Variants in CUBN observed in about 807,000 individuals in gnomAD.
The protein encoded by CUBN is cubilin.
Under a neutral mutation model 405.3 loss-of-function variants are expected in CUBN, and 282 were observed. The observed-to-expected ratio is 0.70, with a 90% CI of 0.63 to 0.77. The LOEUF (loss-of-function observed/expected upper bound fraction) is 0.77. Among genes scored for constraint, CUBN ranks in the 30% least tolerant of loss-of-function variants. CUBN has a pLI of 0.00. For missense variants in CUBN, 4,514 were observed against 4,475.2 expected (o/e 1.01, Z -0.25); for synonymous variants, 1,684 against 1,617.0 (o/e 1.04, Z -0.99).
chr10:16,877,256 TTACTC>T (rs1289500814), intron 56 of CUBN, among the ~76,000 whole-genome samples, 159 bp from the exon 57 acceptor site: 1 of 152,218 alleles, frequency 6.6e-6, no homozygotes, highest in Non-Finnish European at 1.5e-5. Flanking sequence ...GAAACAATGT[TTACTC>T]TAACTACAAA....
At position 16,971,805 on chromosome 10, in the gene CUBN, A is replaced by AT. The variant is rs147113234; in HGVS notation, c.4695+10678dup. ...CTCTTCACACAACTTATATTTCTCC[A>AT]TTTTTTTTAAAAAACCAACTCTCCA... On this transcript the variant is annotated intron_variant, in intron 31 of 66. Coordinates refer to ENST00000377833, the MANE Select transcript of CUBN (RefSeq NM_001081.4). Among the ~76,000 whole-genome samples, 32 of 149,994 alleles carry AT rather than the reference A, an allele frequency of 2.1e-4. No individual in the cohort carries two copies. In the South Asian group the frequency reaches 2.7e-3, roughly 13 times the overall value.
intron 43 of CUBN, among the ~76,000 whole-genome samples, chr10:16,923,523 A>C (rs1345382222): frequency 1.3e-5 from 2 of 152,212 alleles, no homozygotes; most frequent in African/African-American, 4.8e-5. Flanking sequence ...TGGTAAGTAG[A>C]GAGAAATAAC....
chr10:16,947,411 C>T, intron 35 of CUBN, 44 bp from the exon 36 acceptor site: 1 of 1,605,328 alleles, frequency 6.2e-7, no homozygotes, highest in Non-Finnish European at 8.5e-7. Flanking sequence ...GCAAAGACTG[C>T]ATCAGACACT....
chr10:16,992,419 C>T (rs964842838), intron 28 of CUBN, among the ~76,000 whole-genome samples: 24 of 152,144 alleles, frequency 1.6e-4, no homozygotes, highest in African/African-American at 5.8e-4. Flanking sequence ...AGTAACAGTG[C>T]CTCCTCACTC....
intron 28 of CUBN, among the ~76,000 whole-genome samples, chr10:17,004,672 C>CTTT (rs1447690708): frequency 2.1e-5 from 2 of 93,442 alleles, no homozygotes; most frequent in Non-Finnish European, 4.5e-5. Context: ...TTCTAAATAG[C>CTTT]TCTTTTTTTT....
At chr10:16,901,147 T>A (rs1471340546) in intron 52 of CUBN, among the ~76,000 whole-genome samples, 191 bp downstream of exon 52, 1 of 152,172 alleles carries the variant, frequency 6.6e-6, no homozygotes, top group African/African-American at 2.4e-5. Context: ...AAAAGAGATT[T>A]CACTCTTCAT....
chr10:16,886,435 T>C (rs1388907289), intron 56 of CUBN, among the ~76,000 whole-genome samples: 3 of 152,110 alleles, frequency 2.0e-5, no homozygotes, highest in Admixed American at 6.5e-5. Flanking sequence ...GCTTGACAAA[T>C]CTGCAGATAA....
rs1244043617 is a variant in CUBN at position 16,947,327 on chromosome 10, G to A, written c.5250C>T (p.Asn1750=). The A allele has an allele frequency of 6.2e-7, 1 of 1,613,974 alleles. No individual in the cohort carries two copies. The highest frequency in any genetic ancestry group is 2.2e-5 in the East Asian group (1 of 44,888). Residue 1750 remains asparagine, a synonymous_variant, in exon 36 of 67, where the codon AAC becomes AAT. Transcript: ENST00000377833. ...GATAAATGTCTGGGTAGCCAGGGCT[G>A]TTGAAGATGCCTTCAGCCATGTAGA... ...GTFYMAEGIF[N]SPGYPDIYPP...
At chr10:17,060,119 CTT>C (rs869058096) in intron 22 of CUBN, among the ~76,000 whole-genome samples, 2 of 144,918 alleles carry the variant, frequency 1.4e-5, no homozygotes, top group East Asian at 4.1e-4. Context: ...CCTGGTTTTT[CTT>C]TTCTTTTTCT....
At chr10:16,961,024 G>A (rs879458874) in intron 31 of CUBN, among the ~76,000 whole-genome samples, 1 of 152,196 alleles carries the variant, frequency 6.6e-6, no homozygotes, top group Non-Finnish European at 1.5e-5. Context: ...CTCAGCTCTA[G>A]CCAGAAGTGA....
At chr10:16,940,285 A>C in intron 36 of CUBN, 48 bp from the exon 37 acceptor site, 3 of 1,518,930 alleles carry the variant, frequency 2.0e-6, no homozygotes, top group Non-Finnish European at 2.7e-6. Flanking sequence ...GAGAGAATAG[A>C]CTTTGGGATT....
chr10:17,076,229 G>T (rs566476277), intron 17 of CUBN, among the ~76,000 whole-genome samples: 1 of 152,138 alleles, frequency 6.6e-6, no homozygotes, highest in Admixed American at 6.5e-5. Context: ...GAACTCATAG[G>T]GCTCAAGGGC....
intron 22 of CUBN, among the ~76,000 whole-genome samples, chr10:17,059,841 G>T (rs1390280393): frequency 6.6e-6 from 1 of 152,148 alleles, no homozygotes; most frequent in Non-Finnish European, 1.5e-5. Flanking sequence ...TTGTAAAATT[G>T]TCCTTGGATA....
At position 17,019,992 on chromosome 10, in the gene CUBN, G is replaced by C. The variant is rs1224106834; in HGVS notation, c.4018-9C>G. On this transcript the variant is annotated splice_polypyrimidine_tract_variant and intron_variant, in intron 27 of 66. Transcript: ENST00000377833. ...CGTGGTCCATCATAGAGCTGAAATTGAAGAGAAACTTTCCCATATAAAAAC... is the reference window on the plus strand; with the variant it reads ...CGTGGTCCATCATAGAGCTGAAATTCAAGAGAAACTTTCCCATATAAAAAC... The C allele has an allele frequency of 6.2e-7, 1 of 1,614,002 alleles. No individual in the cohort carries two copies. Among genetic ancestry groups the C allele is most frequent in the Non-Finnish European group, 8.5e-7 (1 of 1,179,896 alleles).
intron 59 of CUBN, among the ~76,000 whole-genome samples, chr10:16,858,076 GA>G (rs1006251898): frequency 1.3e-5 from 2 of 151,904 alleles, no homozygotes; most frequent in Non-Finnish European, 2.9e-5. Flanking sequence ...ACAAAAAAAT[GA>G]AATATTTAGG....
chr10:16,972,757 C>G (rs555989295), intron 31 of CUBN, among the ~76,000 whole-genome samples: 1 of 151,954 alleles, frequency 6.6e-6, no homozygotes, highest in African/African-American at 2.4e-5. Flanking sequence ...ATAGGCTTCC[C>G]CCCACCATCT....
chr10:17,000,288 C>G (rs1833842309), intron 28 of CUBN, among the ~76,000 whole-genome samples: 1 of 145,196 alleles, frequency 6.9e-6, no homozygotes, highest in African/African-American at 2.6e-5. Flanking sequence ...TGGTTTCTCC[C>G]AGATCGGTGG....
Position 16,990,329 on chromosome 10 carries a change from C to G in CUBN, c.4350+5G>C, listed in dbSNP as rs200324164. On this transcript the variant is annotated splice_donor_5th_base_variant and intron_variant, in intron 29 of 66. Coordinates refer to ENST00000377833, the MANE Select transcript of CUBN (RefSeq NM_001081.4). Reference sequence around the variant, plus strand: ...ATGTGCTGAAAAAACCATCTCACTTCCTACCTCCAAGACATCAAAGTTGCA... The same window carrying G: ...ATGTGCTGAAAAAACCATCTCACTTGCTACCTCCAAGACATCAAAGTTGCA... 128 of 1,614,036 alleles carry G rather than the reference C, an allele frequency of 7.9e-5. No homozygotes were observed. The highest frequency in any genetic ancestry group is 1.1e-4 in the Non-Finnish European group (124 of 1,179,966).
chr10:17,122,909 A>G lies in CUBN; in HGVS notation c.490-11T>C, dbSNP rs761416469. ...TGAGCAGAGAGGACCCTGTGATCAT[A>G]TAAGGAACAAAGTCAGGTGCCAAAG... On this transcript the variant is annotated splice_polypyrimidine_tract_variant and intron_variant, in intron 5 of 66. Coordinates refer to ENST00000377833, the MANE Select transcript of CUBN (RefSeq NM_001081.4). 5 of 1,598,916 alleles carry G rather than the reference A, an allele frequency of 3.1e-6. No homozygotes were observed. The African/African-American group carries it at 5.4e-5, about 17-fold the overall frequency.
Sources: gnomAD v4.1 joint callset for allele counts (sites outside exome capture counted in the v4.1 genomes callset) on GRCh38, gnomAD v4.1.1 for gene constraint, MANE v1.5 for transcripts, NCBI Gene and HGNC (gene_info 2026-07-23, HGNC 2026-07-21) for gene names.